Variants in NCAN observed in about 807,000 individuals in gnomAD.
NCAN encodes neurocan.
Under a neutral mutation model 121.8 loss-of-function variants are expected in NCAN, and 47 were observed. The ratio of observed to expected loss-of-function variants is 0.39; its 90% CI spans 0.31 to 0.49. The LOEUF is 0.49. Ranked by LOEUF, NCAN falls within the 20% of genes least tolerant of loss-of-function variation. The probability of loss-of-function intolerance (pLI) is 0.92; values close to 1 mark genes in which losing one functional copy is unlikely to be tolerated. For missense variants in NCAN, 1,517 were observed against 1,773.4 expected (o/e 0.86, Z 2.60); for synonymous variants, 633 against 702.0 (o/e 0.90, Z 1.55).
intron 14 of NCAN, 34 bp from the exon 15 acceptor site, chr19:19,249,732 T>C: frequency 6.4e-7 from 1 of 1,566,478 alleles, no homozygotes. Context: ...CACCACCTTT[T>C]GTCCCTTCCC....
At position 19,233,803 on chromosome 19, in the gene NCAN, T is replaced by C. The variant is rs776895054; in HGVS notation, c.3034T>C (p.Cys1012Arg). The change falls in exon 9 of 15, where the codon TGT (cysteine) becomes CGT (arginine). Residue 1012 changes from cysteine to arginine, a missense_variant. Physicochemically the swap from Cys to Arg is radical, Grantham distance 180 (BLOSUM62 -3). Transcript: ENST00000252575. ...AGAEEVHSDP[C>R]ENNPCLHGGT... ...CCATCCTGCAGTGCACTCAGATCCC[T>C]GTGAGAACAACCCTTGTCTTCATGG... 6 of 1,611,930 alleles carry C rather than the reference T, an allele frequency of 3.7e-6. No homozygotes were observed. Among genetic ancestry groups the C allele is most frequent in the Non-Finnish European group, 5.1e-6 (6 of 1,178,138 alleles).
intron 3 of NCAN, among the ~76,000 whole-genome samples, chr19:19,219,895 T>G (rs1303700255): frequency 2.0e-5 from 3 of 148,216 alleles, no homozygotes; most frequent in Non-Finnish European, 4.5e-5. Context: ...GGCATGGTGA[T>G]GCATGCCTGT....
chr19:19,219,225 G>A lies in NCAN; in HGVS notation c.384G>A (p.Gly128=), dbSNP rs985062608. Residue 128 remains glycine, a synonymous_variant, in exon 3 of 15, where the codon GGG becomes GGA. Transcript: ENST00000252575. ...RRRANATLLL[G]PLRASDSGLY... is the part of the protein sequence containing the mutation. Reference sequence around the variant, plus strand: ...GAGCCAACGCCACGCTACTTCTGGGGCCACTGAGGGCCAGTGACTCTGGGC... The same window carrying A: ...GAGCCAACGCCACGCTACTTCTGGGACCACTGAGGGCCAGTGACTCTGGGC... 3.7e-6 allele frequency: 6 copies of A among 1,607,364 alleles called. No individual in the cohort carries two copies. The highest frequency in any genetic ancestry group is 1.7e-5 in the Admixed American group (1 of 59,844).
rs758901158 is a variant in NCAN at position 19,212,882 on chromosome 19, C to T, written c.-8+818C>T. Among the ~76,000 whole-genome samples, 5 of 152,178 alleles carry T rather than the reference C, an allele frequency of 3.3e-5. No individual in the cohort carries two copies. The highest frequency in any genetic ancestry group is 4.8e-5 in the African/African-American group (2 of 41,438). On this transcript the variant is annotated intron_variant, in intron 1 of 14. Coordinates refer to ENST00000252575, the MANE Select transcript of NCAN (RefSeq NM_004386.3). This position sits in a 1 kb window ranked among gnomAD's most constrained non-coding sequence, Gnocchi z 4.5. ...CCCCCAGCACCTTCACAGCCTCCCA[C>T]GTCCTTACAGCATGACACAGACCCC... is the stretch of plus-strand genomic sequence containing the variant.
chr19:19,238,645 C>T, intron 11 of NCAN: 1 of 566,152 alleles, frequency 1.8e-6, no homozygotes, highest in Non-Finnish European at 3.2e-6. Flanking sequence ...TGAGCACCTG[C>T]TATATGCCAG....
intron 8 of NCAN, among the ~76,000 whole-genome samples, chr19:19,228,990 T>G (rs906118710): frequency 6.6e-6 from 1 of 152,074 alleles, no homozygotes; most frequent in African/African-American, 2.4e-5. Flanking sequence ...GGCAGATCAC[T>G]TGAGGTCAGG....
chr19:19,230,937 G>T (rs2060857007), intron 8 of NCAN, among the ~76,000 whole-genome samples: 2 of 146,814 alleles, frequency 1.4e-5, no homozygotes, highest in African/African-American at 2.6e-5. Context: ...GTAGAGATGG[G>T]GTCTCCCTAT....
intron 8 of NCAN, among the ~76,000 whole-genome samples, chr19:19,228,934 A>G (rs2060848364): frequency 6.6e-6 from 1 of 152,184 alleles, no homozygotes; most frequent in Admixed American, 6.5e-5. Flanking sequence ...GTGGCCGGGC[A>G]TGGTGCCTCA....
At chr19:19,238,606 C>T (rs1165473546) in intron 11 of NCAN, 195 bp downstream of exon 11, 1 of 641,416 alleles carries the variant, frequency 1.6e-6, no homozygotes, top group East Asian at 2.8e-5. Flanking sequence ...CATACATTCA[C>T]TTCATTCATT....
rs1295998582 is a variant in NCAN, at chr19:19,227,758, C to T, written c.2138C>T (p.Pro713Leu). 2 of 1,613,774 alleles carry T rather than the reference C, an allele frequency of 1.2e-6. No individual in the cohort carries two copies. The highest frequency in any genetic ancestry group is 1.7e-5 in the Admixed American group (1 of 60,028). ...TTCAGAGAAACTGGGGAGACCAGCC[C>T]TGCTCAGGTCAACAAAGCTGAGCAC... ...ADFRETGETS[P>L]AQVNKAEHSS... The change falls in exon 8 of 15, where the codon CCT becomes CTT. Residue 713 changes from proline (P) to leucine (L), a missense_variant. By Grantham distance (98) the Pro-to-Leu change is moderately conservative. Transcript: ENST00000252575. This position sits in a 1 kb window ranked among gnomAD's most constrained non-coding sequence, Gnocchi z 4.2.
rs753141150 is a variant in NCAN at position 19,219,162 on chromosome 19, G to A, written c.321G>A (p.Trp107Ter). 6.2e-6 allele frequency: 10 copies of A among 1,613,580 alleles called. No individual in the cohort carries two copies. The highest frequency in any genetic ancestry group is 8.5e-6 in the Non-Finnish European group (10 of 1,180,014). ...ATGTCGTGAGGGTGGCCAAAAGCTG[G>A]CAGGGACGAGTGTCACTGCCTTCCT... ...KDNVVRVAKS[W>*]QGRVSLPSYP... The change falls in exon 3 of 15, where the codon TGG becomes TGA. Residue 107 changes from tryptophan (W) to a stop codon, truncating the protein, a stop_gained. Transcript: ENST00000252575. LOFTEE classifies it high-confidence loss of function.
At chr19:19,245,510 C>T in intron 13 of NCAN, 53 bp downstream of exon 13, 2 of 1,586,318 alleles carry the variant, frequency 1.3e-6, no homozygotes, top group Non-Finnish European at 1.7e-6. Context: ...CTCACTGGTT[C>T]TCTGTTGCCC....
At chr19:19,234,937 C>G (rs1234118466) in intron 9 of NCAN, 46 bp from the exon 10 acceptor site, 1 of 1,338,458 alleles carries the variant, frequency 7.5e-7, no homozygotes, top group Non-Finnish European at 1.1e-6. Flanking sequence ...GGCTCAGAGC[C>G]AAGGGGAAGC....
At chr19:19,247,332 C>T (rs2060928028) in intron 13 of NCAN, among the ~76,000 whole-genome samples, 1 of 152,138 alleles carries the variant, frequency 6.6e-6, no homozygotes, top group African/African-American at 2.4e-5. Context: ...CGGCTCACTA[C>T]AAGCTCCGCC....
At chr19:19,231,850 G>T (rs1471211475) in intron 8 of NCAN, among the ~76,000 whole-genome samples, 1 of 151,944 alleles carries the variant, frequency 6.6e-6, no homozygotes, top group Non-Finnish European at 1.5e-5. Context: ...GGCATGGTGG[G>T]TACCTGTGGT....
chr19:19,243,515 C>CAAAA (rs781710638), intron 12 of NCAN, among the ~76,000 whole-genome samples: 33 of 42,662 alleles, frequency 7.7e-4, no homozygotes, highest in African/African-American at 2.1e-3. Flanking sequence ...GACTCCATCT[C>CAAAA]AAAAAAAAAA....
In NCAN at chr19:19,226,751, G is replaced by A. The variant is rs775691564; in HGVS notation, c.1338G>A (p.Val446=). ...PMLASWPTGE[V]WLSTVAPSPS... ...TGGCCTCATGGCCCACTGGGGAAGT[G>A]TGGCTAAGCACGGTGGCCCCCAGCC... is the stretch of plus-strand genomic sequence containing the variant. The change falls in exon 7 of 15, where the codon GTG becomes GTA. Residue 446 remains valine, a synonymous_variant. Transcript: ENST00000252575. The A allele has an allele frequency of 2.5e-6, 4 of 1,613,244 alleles. No individual in the cohort carries two copies. The highest frequency in any genetic ancestry group is 2.7e-5 in the African/African-American group (2 of 74,950).
At chr19:19,214,191 G>GAC (rs991574155) in intron 1 of NCAN, among the ~76,000 whole-genome samples, 2 of 151,676 alleles carry the variant, frequency 1.3e-5, no homozygotes, top group Admixed American at 6.6e-5. Flanking sequence ...TGAAGGAGGG[G>GAC]ACACACACAC....
chr19:19,244,309 CTT>C (rs532412223), intron 12 of NCAN, among the ~76,000 whole-genome samples: 18 of 127,624 alleles, frequency 1.4e-4, no homozygotes, highest in Admixed American at 1.7e-4. Context: ...CCCTTACTAT[CTT>C]TTTTTTTTTT....
Sources: gnomAD v4.1 joint callset for allele counts (sites outside exome capture counted in the v4.1 genomes callset) on GRCh38, gnomAD v4.1.1 for gene constraint, Gnocchi (gnomAD v3.1) non-coding constraint, MANE v1.5 for transcripts, NCBI Gene and HGNC (gene_info 2026-07-23, HGNC 2026-07-21) for gene names.